GPC5: variants seen among roughly 807,000 people sequenced by gnomAD.
The protein encoded by GPC5 is glypican 5.
GPC5 carries 47 observed loss-of-function variants against 53.9 expected under a neutral mutation model. That is an observed-to-expected ratio of 0.87 (90% CI 0.69 to 1.11). GPC5 has a LOEUF of 1.11. GPC5 is among the 50% of genes most tolerant of loss of function. The pLI is 0.00. For synonymous variants in GPC5, 286 were observed against 263.3 expected (o/e 1.09, Z -0.84); for missense variants, 748 against 713.1 (o/e 1.05, Z -0.56).
At chr13:91,785,326 C>G (rs1471238815) in intron 5 of GPC5, among the ~76,000 whole-genome samples, 2 of 152,122 alleles carry the variant, frequency 1.3e-5, no homozygotes, top group Non-Finnish European at 2.9e-5. Context: ...ATAGCCTCTA[C>G]CTATTAGATG....
intron 7 of GPC5, among the ~76,000 whole-genome samples, chr13:92,726,758 C>T (rs1477329782): frequency 6.6e-6 from 1 of 151,418 alleles, no homozygotes; most frequent in Non-Finnish European, 1.5e-5. Context: ...CTATAAACTA[C>T]ATATAAGTGG....
intron 7 of GPC5, among the ~76,000 whole-genome samples, chr13:92,148,741 A>G (rs958612991): frequency 9.9e-5 from 15 of 152,176 alleles, no homozygotes; most frequent in African/African-American, 3.4e-4. Flanking sequence ...TAGCTAACTG[A>G]TGAAGGTTCT....
Position 92,527,108 on chromosome 13 carries a change from A to AGAAAGAAAGAAAGAAAGAAAGAAAGAAAG in GPC5, c.1562-339174_1562-339173insGAAAGAAAGAAAGAAAGAAAGAAAGAAAG, listed in dbSNP as rs75868236. Among the ~76,000 whole-genome samples the AGAAAGAAAGAAAGAAAGAAAGAAAGAAAG allele has an allele frequency of 5.4e-4, 21 of 39,060 alleles. 1 individual carries two copies. Among genetic ancestry groups the AGAAAGAAAGAAAGAAAGAAAGAAAGAAAG allele is most frequent in the Admixed American group, 1.0e-3 (3 of 2,862 alleles). 25.6% of individuals were successfully genotyped at this position (39,060 alleles called of 152,430 possible). Reference sequence around the variant, plus strand: ...TGAGATTCTGTAGGAAAAGAAAGAAAAAAGAAAGAAAGAAAGAAAGAAAGA... The same window carrying AGAAAGAAAGAAAGAAAGAAAGAAAGAAAG: ...TGAGATTCTGTAGGAAAAGAAAGAAAGAAAGAAAGAAAGAAAGAAAGAAAGAAAGAAAGAAAGAAAGAAAGAAAGAAAGA... On this transcript the variant is annotated intron_variant, in intron 7 of 7. Coordinates refer to ENST00000377067, the MANE Select transcript of GPC5 (RefSeq NM_004466.6).
chr13:92,449,894 C>A (rs1475005545), intron 7 of GPC5, among the ~76,000 whole-genome samples: 1 of 152,024 alleles, frequency 6.6e-6, no homozygotes, highest in African/African-American at 2.4e-5. Context: ...CTACATTAAT[C>A]ATAGTCTAAT....
At chr13:91,449,662 A>C (rs574177649) in intron 2 of GPC5, among the ~76,000 whole-genome samples, 1 of 152,212 alleles carries the variant, frequency 6.6e-6, no homozygotes, top group Non-Finnish European at 1.5e-5. Context: ...GGAAATGTTA[A>C]TTGGATGTTT....
chr13:92,738,951 G>A (rs1450670658), intron 7 of GPC5, among the ~76,000 whole-genome samples: 1 of 152,044 alleles, frequency 6.6e-6, no homozygotes, highest in African/African-American at 2.4e-5. Flanking sequence ...TGTGACATCT[G>A]TTAAAAGTCA....
At chr13:91,972,356 G>T (rs2040251231) in intron 6 of GPC5, among the ~76,000 whole-genome samples, 1 of 152,088 alleles carries the variant, frequency 6.6e-6, no homozygotes, top group Non-Finnish European at 1.5e-5. Context: ...AAGCCTATGT[G>T]TGTCTCTGCA....
chr13:92,813,914 C>T (rs1194668915), intron 7 of GPC5, among the ~76,000 whole-genome samples: 1 of 151,884 alleles, frequency 6.6e-6, no homozygotes, highest in African/African-American at 2.4e-5. Flanking sequence ...TAAAGAAATG[C>T]AAAGGATCTA....
intron 7 of GPC5, among the ~76,000 whole-genome samples, chr13:92,457,666 C>T (rs973891989): frequency 7.9e-5 from 12 of 152,138 alleles, no homozygotes; most frequent in African/African-American, 2.9e-4. Context: ...ATCTCGCTAG[C>T]TCAAATTTAG....
rs148037925 is a variant in GPC5 at position 91,575,407 on chromosome 13, G to A, written c.326-117780G>A. On this transcript the variant is annotated intron_variant, in intron 2 of 7. Transcript: ENST00000377067. Reference sequence around the variant, plus strand: ...CTAATTGATACTTTGAAAAGTCCTAGTATTATCCACTTAAAGGTAGGGTAT... The same window carrying A: ...CTAATTGATACTTTGAAAAGTCCTAATATTATCCACTTAAAGGTAGGGTAT... Among the ~76,000 whole-genome samples the A allele has an allele frequency of 1.1e-3, 167 of 152,174 alleles. 1 individual carries two copies. Among genetic ancestry groups the A allele is most frequent in the African/African-American group, 3.8e-3 (156 of 41,556 alleles).
intron 7 of GPC5, among the ~76,000 whole-genome samples, chr13:92,506,015 C>T (rs921483283): frequency 1.3e-5 from 2 of 152,124 alleles, no homozygotes; most frequent in African/African-American, 2.4e-5. Flanking sequence ...TGGAATATAA[C>T]TGTTCGGCCT....
chr13:92,290,551 C>G (rs2042986546), intron 7 of GPC5, among the ~76,000 whole-genome samples: 1 of 152,150 alleles, frequency 6.6e-6, no homozygotes, highest in Admixed American at 6.5e-5. Flanking sequence ...ATCTTCATAG[C>G]TTAGCTCCCA....
intron 7 of GPC5, among the ~76,000 whole-genome samples, chr13:92,333,059 G>C (rs149587373): frequency 6.6e-6 from 1 of 152,282 alleles, no homozygotes; most frequent in African/African-American, 2.4e-5. Context: ...AGTCTCACCA[G>C]TGAAAACCTT....
intron 7 of GPC5, among the ~76,000 whole-genome samples, chr13:92,415,988 A>T (rs1232394418): frequency 6.6e-6 from 1 of 152,206 alleles, no homozygotes; most frequent in African/African-American, 2.4e-5. Flanking sequence ...ACAAATATAG[A>T]CAGCTTTTTA....
At chr13:92,541,140 A>G (rs1881918867) in intron 7 of GPC5, among the ~76,000 whole-genome samples, 1 of 151,870 alleles carries the variant, frequency 6.6e-6, no homozygotes, top group Admixed American at 6.6e-5. Flanking sequence ...ACAGTATTAA[A>G]TAAATAGAAA....
intron 2 of GPC5, among the ~76,000 whole-genome samples, chr13:91,648,859 G>A (rs2034626300): frequency 6.6e-6 from 1 of 152,168 alleles, no homozygotes. Context: ...AGTACAACTT[G>A]AGAATCAGTA....
intron 7 of GPC5, among the ~76,000 whole-genome samples, chr13:92,651,973 T>C (rs1228568615): frequency 1.3e-5 from 2 of 152,048 alleles, no homozygotes; most frequent in African/African-American, 4.8e-5. Context: ...TGCAAAAATA[T>C]TGCATTTTTG....
chr13:91,602,123 T>A (rs1417174461), intron 2 of GPC5, among the ~76,000 whole-genome samples: 1 of 152,268 alleles, frequency 6.6e-6, no homozygotes, highest in Non-Finnish European at 1.5e-5. Context: ...TTTACAGTAG[T>A]CCTGGATAGT....
At chr13:92,248,806 G>A (rs915919517) in intron 7 of GPC5, among the ~76,000 whole-genome samples, 9 of 151,974 alleles carry the variant, frequency 5.9e-5, no homozygotes, top group East Asian at 5.8e-4. Context: ...TGCTGTTGGC[G>A]TTTTTGTTTG....
Sources: gnomAD v4.1 joint callset for allele counts (sites outside exome capture counted in the v4.1 genomes callset) on GRCh38, gnomAD v4.1.1 for gene constraint, MANE v1.5 for transcripts, NCBI Gene and HGNC (gene_info 2026-07-23, HGNC 2026-07-21) for gene names.